The following WDR90 variants were observed in gnomAD, a reference collection of about 807,000 sequenced individuals.
WDR90 encodes WD repeat-containing protein 90.
WDR90 carries 238 observed loss-of-function variants against 195.2 expected under a neutral mutation model. The ratio of observed to expected loss-of-function variants is 1.22; its 90% CI spans 1.10 to 1.36. WDR90 has a LOEUF of 1.36. Ranked by LOEUF, WDR90 falls within the 40% of genes most tolerant of loss-of-function variation. The probability of loss-of-function intolerance (pLI) is 0.00; values close to 1 mark genes in which losing one functional copy is unlikely to be tolerated. For missense variants in WDR90, 2,734 were observed against 2,439.5 expected (o/e 1.12, Z -2.54); for synonymous variants, 1,265 against 1,052.4 (o/e 1.20, Z -3.91).
At chr16:662,520 A>T (rs936089006) in intron 33 of WDR90, 159 bp from the exon 34 acceptor site, 22 of 1,214,968 alleles carry the variant, frequency 1.8e-5, no homozygotes, top group Non-Finnish European at 2.5e-5. Flanking sequence ...ATGGGCCCAG[A>T]AGCCCCAGCT....
At chr16:656,199 A>G in intron 17 of WDR90, 103 bp from the exon 18 acceptor site, 1 of 1,105,636 alleles carries the variant, frequency 9.0e-7, no homozygotes, top group Non-Finnish European at 1.3e-6. Flanking sequence ...TGGGACTTTG[A>G]GCAGCAGGGA....
chr16:651,497 G>C, intron 7 of WDR90, 147 bp from the exon 8 acceptor site: 1 of 990,240 alleles, frequency 1.0e-6, no homozygotes, highest in Non-Finnish European at 1.5e-6. Context: ...GACTTTCAGG[G>C]CCTAGGGTGG....
In WDR90 at chr16:666,942, C is replaced by T. The variant is rs1421350026; in HGVS notation, c.5042C>T (p.Ser1681Phe). The change falls in exon 40 of 41, where the codon TCC (serine) becomes TTC (phenylalanine). Residue 1681 changes from serine (S) to phenylalanine (F), a missense_variant. Ser to Phe is a radical substitution (Grantham distance 155). Coordinates refer to ENST00000293879, the MANE Select transcript of WDR90 (RefSeq NM_145294.5). ...EKIPLPFFAM[S>F]LSLSPGTHLL... ...ATACCACTGCCCTTTTTTGCCATGT[C>T]CCTGAGCCTGTCCCCCGGGACCCAC... The T allele has an allele frequency of 6.2e-7, 1 of 1,612,408 alleles. No individual in the cohort carries two copies. Among genetic ancestry groups the T allele is most frequent in the Non-Finnish European group, 8.5e-7 (1 of 1,179,430 alleles).
Position 655,716 on chromosome 16 carries a change from C to G in WDR90, c.1849+13C>G. On this transcript the variant is annotated intron_variant, in intron 16 of 40. Transcript: ENST00000293879. ...ACCTTCAGCTCAGGTAAGAGGGCGC[C>G]CACCACGTGGCCAGGGTGGCAGGGA... The G allele has an allele frequency of 6.3e-7, 1 of 1,583,858 alleles. No individual in the cohort carries two copies.
Position 650,663 on chromosome 16 carries a change from C to G in WDR90, c.513C>G (p.Ser171Arg). ...GHLKSIRLCA[S>R]LLVRNLYTSD... The stretch of plus-strand genomic sequence containing the variant: ...TCAAGAGCATCAGGCTGTGCGCCAG[C>G]CTGCTGGTCAGGAACCTGTACACCA... The change falls in exon 5 of 41, where the codon AGC becomes AGG. Residue 171 changes from serine to arginine, a missense_variant. Physicochemically the swap from Ser to Arg is moderately radical, Grantham distance 110 (BLOSUM62 -1). Transcript: ENST00000293879. 1 of 1,612,614 alleles carries G rather than the reference C, an allele frequency of 6.2e-7. No homozygotes were observed. Among genetic ancestry groups the G allele is most frequent in the Non-Finnish European group, 8.5e-7 (1 of 1,179,790 alleles).
Position 650,701 on chromosome 16 carries a change from T to C in WDR90, c.551T>C (p.Phe184Ser). ...AACCTGTACACCAGTGACCTGTGCT[T>C]TGAGCCTGGTGAGGGCCGCACCTGC... Reference protein sequence around the residue: ...VRNLYTSDLCFEPAISGAQWA... With the variant: ...VRNLYTSDLCSEPAISGAQWA... Residue 184 changes from phenylalanine to serine, a missense_variant, in exon 5 of 41, where the codon TTT (phenylalanine) becomes TCT (serine). By Grantham distance (155) the Phe-to-Ser change is radical. Transcript: ENST00000293879. 1 of 1,607,772 alleles carries C rather than the reference T, an allele frequency of 6.2e-7. No individual in the cohort carries two copies. The highest frequency in any genetic ancestry group is 8.5e-7 in the Non-Finnish European group (1 of 1,175,816).
In WDR90 at chr16:657,117, T is replaced by A; in HGVS notation, c.2369T>A (p.Leu790Gln). ...HTCHRGAVTG[L>Q]TATPDGRLLF... ...TGCCACCGAGGAGCTGTCACCGGCCTGACCGCCACCCCTGACGGCCGCCTG... is the reference window on the plus strand; with the variant it reads ...TGCCACCGAGGAGCTGTCACCGGCCAGACCGCCACCCCTGACGGCCGCCTG... The change falls in exon 20 of 41, where the codon CTG (leucine) becomes CAG (glutamine). Residue 790 changes from leucine (L) to glutamine (Q), a missense_variant. By Grantham distance (113) the Leu-to-Gln change is moderately radical (BLOSUM62 -2). Coordinates refer to ENST00000293879, the MANE Select transcript of WDR90 (RefSeq NM_145294.5). The A allele has an allele frequency of 6.3e-7, 1 of 1,590,804 alleles. No individual in the cohort carries two copies. The highest frequency in any genetic ancestry group is 8.5e-7 in the Non-Finnish European group (1 of 1,171,114).
chr16:655,404 C>T lies in WDR90; in HGVS notation c.1654C>T (p.Gln552Ter). Residue 552 changes from glutamine to a stop codon, truncating the protein, a stop_gained, in exon 15 of 41, where the codon CAG (glutamine) becomes TAG (stop). Transcript: ENST00000293879. LOFTEE classifies it high-confidence loss of function. ...PVDLGEHHAL[Q>*]FTDLAFKQAR... Reference sequence around the variant, plus strand: ...GGACTTAGGGGAGCACCACGCGCTGCAGTTCACCGACCTGGCCTTCAAGCA... The same window carrying T: ...GGACTTAGGGGAGCACCACGCGCTGTAGTTCACCGACCTGGCCTTCAAGCA... The T allele has an allele frequency of 6.3e-7, 1 of 1,592,862 alleles. No individual in the cohort carries two copies.
chr16:667,487 C>G lies in WDR90; in HGVS notation c.5145C>G (p.Gly1715=), dbSNP rs749029230. 27 of 1,610,676 alleles carry G rather than the reference C, an allele frequency of 1.7e-5. No homozygotes were observed. The highest frequency in any genetic ancestry group is 2.2e-5 in the Non-Finnish European group (26 of 1,178,432). ...TGGGGACTGCCCAAGACTTTGCCGG[C>G]CACGACAACGCAGTGCACCTGTGCA... ...CAMGTAQDFA[G]HDNAVHLCRF... is the part of the protein sequence containing the mutation. Residue 1715 remains glycine, a synonymous_variant, in exon 41 of 41, where the codon GGC becomes GGG. Coordinates refer to ENST00000293879, the MANE Select transcript of WDR90 (RefSeq NM_145294.5).
Position 649,400 on chromosome 16 carries a change from G to A in WDR90, c.-17G>A, listed in dbSNP as rs753258118. The A allele has an allele frequency of 3.8e-5, 50 of 1,318,518 alleles. No individual in the cohort carries two copies. The highest frequency in any genetic ancestry group is 4.1e-5 in the Non-Finnish European group (43 of 1,036,926). The allele number at this position is 1,318,518 out of a possible 1,614,324, so 81.7% of individuals were successfully genotyped here. A position where few individuals can be genotyped will look rare whatever the true frequency, so the allele number is the denominator to read the frequency against. ...GGGCGCGCGGAGGCCTAGGCGGGAA[G>A]CTCGAGCGGCGGCGCCATGGCCCGA... On this transcript the variant is annotated 5_prime_UTR_variant, in exon 1 of 41. Coordinates refer to ENST00000293879, the MANE Select transcript of WDR90 (RefSeq NM_145294.5).
rs747517368 is a variant in WDR90, at chr16:657,212, C to T, written c.2464C>T (p.Arg822Ter). Residue 822 changes from arginine to a stop codon, truncating the protein, a stop_gained, in exon 20 of 41, where the codon CGA becomes TGA. Coordinates refer to ENST00000293879, the MANE Select transcript of WDR90 (RefSeq NM_145294.5). LOFTEE classifies it high-confidence loss of function. ...SCADPQWHVL[R>*]VAADMVCPDA... is the part of the protein sequence containing the mutation. ...TGCGGACCCCCAGTGGCATGTCCTC[C>T]GAGTGGCAGGTTGGGCCCCCTGCAG... The T allele has an allele frequency of 2.1e-5, 33 of 1,547,896 alleles. No individual in the cohort carries two copies. The highest frequency in any genetic ancestry group is 2.1e-4 in the African/African-American group (15 of 73,032).
rs752366209 is a variant in WDR90, at chr16:655,294, T to C, written c.1557-13T>C. ...TGCGAGCTGCGGCAGTGCTCAGTCCTCATTCCTTGCAGGATGGCGTCGTGC... is the reference window on the plus strand; with the variant it reads ...TGCGAGCTGCGGCAGTGCTCAGTCCCCATTCCTTGCAGGATGGCGTCGTGC... On this transcript the variant is annotated splice_polypyrimidine_tract_variant and intron_variant, in intron 14 of 40. Coordinates refer to ENST00000293879, the MANE Select transcript of WDR90 (RefSeq NM_145294.5). The C allele has an allele frequency of 1.9e-6, 3 of 1,608,098 alleles. No homozygotes were observed. The highest frequency in any genetic ancestry group is 2.5e-6 in the Non-Finnish European group (3 of 1,179,744).
Position 656,865 on chromosome 16 carries a change from A to G in WDR90, c.2336A>G (p.Glu779Gly). 5.6e-6 allele frequency: 9 copies of G among 1,612,478 alleles called. No individual in the cohort carries two copies. The highest frequency in any genetic ancestry group is 7.6e-6 in the Non-Finnish European group (9 of 1,179,762). ...FSLEAAEVLV[E>G]HTCHRGAVTG... is the part of the protein sequence containing the mutation. ...CTGGAGGCCGCTGAGGTCCTGGTGG[A>G]ACACACGTAAGTGCCCAGCTGGCCA... The change falls in exon 19 of 41, where the codon GAA (glutamate) becomes GGA (glycine). Residue 779 changes from glutamate (E) to glycine (G), a missense_variant. Transcript: ENST00000293879.
In WDR90 at chr16:653,777, G is replaced by T; in HGVS notation, c.1411G>T (p.Val471Phe). The T allele has an allele frequency of 6.2e-7, 1 of 1,613,256 alleles. No individual in the cohort carries two copies. The highest frequency in any genetic ancestry group is 8.5e-7 in the Non-Finnish European group (1 of 1,179,990). ...FSDSGALLCG[V>F]GKDHHGRTMV... is the part of the protein sequence containing the mutation. The stretch of plus-strand genomic sequence containing the variant: ...TGACAGCGGGGCCCTTCTCTGCGGG[G>T]TTGGCAAGGACCACCACGGGAGGAC... The change falls in exon 13 of 41, where the codon GTT (valine) becomes TTT (phenylalanine). Residue 471 changes from valine (V) to phenylalanine (F), a missense_variant. Val to Phe is a conservative substitution (Grantham distance 50). Coordinates refer to ENST00000293879, the MANE Select transcript of WDR90 (RefSeq NM_145294.5).
intron 16 of WDR90, 25 bp downstream of exon 16, chr16:655,728 C>T (rs1397119807): frequency 6.3e-7 from 1 of 1,580,852 alleles, no homozygotes. Flanking sequence ...ACCACGTGGC[C>T]AGGGTGGCAG....
At position 659,020 on chromosome 16, in the gene WDR90, C is replaced by A; in HGVS notation, c.3011+9C>A. On this transcript the variant is annotated intron_variant, in intron 24 of 40. Transcript: ENST00000293879. ...CTGGCCCCTACTGAGAGGCAAGTGC[C>A]TACTCTCAGCTGTGTCTGCCTAGGC... 6.2e-7 allele frequency: 1 copy of A among 1,613,142 alleles called. No individual in the cohort carries two copies. Among genetic ancestry groups the A allele is most frequent in the Non-Finnish European group, 8.5e-7 (1 of 1,179,874 alleles).
intron 28 of WDR90, 59 bp downstream of exon 28, chr16:660,773 C>G (rs944675777): frequency 5.3e-6 from 8 of 1,499,560 alleles, no homozygotes; most frequent in Non-Finnish European, 7.2e-6. Context: ...GTGGTCCAGC[C>G]GTCTCCACCC....
chr16:653,086 G>A lies in WDR90; in HGVS notation c.1123-255G>A, dbSNP rs573721725. Among the ~76,000 whole-genome samples the A allele has an allele frequency of 9.2e-5, 14 of 152,314 alleles. 1 individual carries two copies. The highest frequency in any genetic ancestry group is 2.4e-4 in the African/African-American group (10 of 41,564). On this transcript the variant is annotated intron_variant, in intron 10 of 40. Coordinates refer to ENST00000293879, the MANE Select transcript of WDR90 (RefSeq NM_145294.5). ...TGGAGGCGGGGCTTAGAGGACAGGC[G>A]TCTGTGCATGTGTGTACACGTGTCT...
chr16:665,523 C>T (rs759656419), intron 34 of WDR90, 156 bp from the exon 35 acceptor site: 30 of 1,184,700 alleles, frequency 2.5e-5, no homozygotes, highest in Non-Finnish European at 3.0e-5. Context: ...ACACGGGGGC[C>T]GGCATTGCTC....
Sources: allele counts gnomAD v4.1 joint callset (sites outside exome capture counted in the v4.1 genomes callset), GRCh38; gene constraint gnomAD v4.1.1; transcripts MANE v1.5; gene names NCBI Gene and HGNC (gene_info 2026-07-23, HGNC 2026-07-21).